Variants in C20orf202 observed in about 807,000 individuals in gnomAD.
C20orf202 encodes the protein uncharacterized protein C20orf202.
A neutral mutation model predicts 5.3 loss-of-function variants in C20orf202; 5 were observed. The ratio of observed to expected loss-of-function variants is 0.94; its 90% confidence interval spans 0.49 to 1.98. The LOEUF (loss-of-function observed/expected upper bound fraction) is 1.98, where lower values mean the gene tolerates loss of function less well. Ranked by LOEUF, C20orf202 falls within the 30% of genes most tolerant of loss-of-function variation. C20orf202 has a pLI of 0.01. For missense variants in C20orf202, 135 were observed against 123.5 expected (o/e 1.09, Z -0.44); for synonymous variants, 48 against 50.0 (o/e 0.96, Z 0.16).
At position 1,203,754 on chromosome 20, in the gene C20orf202, C is replaced by A; in HGVS notation, c.66+103C>A. ...CCCCTGGGGCAGAGGCTGCAGGCTA[C>A]GGTATGGACCCTGCAGTCTCCCCTC... On this transcript the variant is annotated intron_variant, in intron 1 of 1. Transcript: ENST00000400633. The A allele has an allele frequency of 2.3e-6, 3 of 1,287,902 alleles. No individual in the cohort carries two copies. The South Asian group carries it at 4.7e-5, about 20-fold the overall frequency. 79.8% of individuals were successfully genotyped at this position (1,287,902 alleles called of 1,614,324 possible).
intron 1 of C20orf202, among the ~76,000 whole-genome samples, chr20:1,205,891 G>A (rs1488729234): frequency 2.0e-5 from 3 of 151,952 alleles, no homozygotes; most frequent in Non-Finnish European, 4.4e-5. Context: ...GCAAGACATT[G>A]CCTCTACAAA....
At chr20:1,204,741 G>A (rs2087124647) in intron 1 of C20orf202, among the ~76,000 whole-genome samples, 1 of 152,216 alleles carries the variant, frequency 6.6e-6, no homozygotes, top group Admixed American at 6.5e-5. Context: ...ACCCAACCCT[G>A]TCATCACCCC....
chr20:1,203,529 A>G lies in C20orf202; in HGVS notation c.-57A>G. On this transcript the variant is annotated 5_prime_UTR_variant, in exon 1 of 2. Transcript: ENST00000400633. ...AAGAGTTGGGGGAATGTACAAGTCA[A>G]AGATCCCTCGGGCCCAGAACCAGGT... 3 of 1,549,316 alleles carry G rather than the reference A, an allele frequency of 1.9e-6. No homozygotes were observed. Among genetic ancestry groups the G allele is most frequent in the Non-Finnish European group, 2.6e-6 (3 of 1,146,090 alleles).
At position 1,207,011 on chromosome 20, in the gene C20orf202, G is replaced by A; in HGVS notation, c.209G>A (p.Gly70Asp). Reference sequence around the variant, plus strand: ...ACATCCCCCATCAGAGCTCGAGCGGGCTCCGAAGGCAGGGGCTGCCAGCCG... The same window carrying A: ...ACATCCCCCATCAGAGCTCGAGCGGACTCCGAAGGCAGGGGCTGCCAGCCG... Reference protein sequence around the residue: ...GGTSPIRARAGSEGRGCQPVC... With the variant: ...GGTSPIRARADSEGRGCQPVC... Residue 70 changes from glycine (G) to aspartate (D), a missense_variant, in exon 2 of 2, where the codon GGC becomes GAC. Physicochemically the swap from Gly to Asp is moderately conservative, Grantham distance 94 (BLOSUM62 -1). Coordinates refer to ENST00000400633, the MANE Select transcript of C20orf202 (RefSeq NM_001394958.1). The A allele has an allele frequency of 2.6e-6, 4 of 1,550,900 alleles. No individual in the cohort carries two copies. The highest frequency in any genetic ancestry group is 1.2e-5 in the South Asian group (1 of 83,964).
intron 1 of C20orf202, among the ~76,000 whole-genome samples, chr20:1,204,162 G>A (rs1384102063): frequency 6.6e-6 from 1 of 152,142 alleles, no homozygotes; most frequent in Non-Finnish European, 1.5e-5. Flanking sequence ...GACAAGGATT[G>A]AGAAACTAGC....
chr20:1,203,683 C>T (rs1030095977), intron 1 of C20orf202, 32 bp downstream of exon 1: 2 of 1,522,748 alleles, frequency 1.3e-6, no homozygotes, highest in South Asian at 1.3e-5. Flanking sequence ...CCTTGATGCC[C>T]CGACTACATA....
At chr20:1,206,761 T>C in intron 1 of C20orf202, 108 bp from the exon 2 acceptor site, 3 of 653,162 alleles carry the variant, frequency 4.6e-6, no homozygotes, top group Non-Finnish European at 7.5e-6. Flanking sequence ...TGTGAGGCTG[T>C]GCGAATCACA....
Position 1,208,146 on chromosome 20 carries a change from G to A in C20orf202, c.*1044G>A, listed in dbSNP as rs2087140736. ...GTGACAACAACCTCCGTAACAGCAG[G>A]CAACCAGGCTTGTGATACAGCAGAG... On this transcript the variant is annotated 3_prime_UTR_variant, in exon 2 of 2. Transcript: ENST00000400633. 1.3e-5 allele frequency: 2 copies of A among 152,284 alleles called. No individual in the cohort carries two copies. The highest frequency in any genetic ancestry group is 2.1e-4 in the South Asian group (1 of 4,820). 9.4% of individuals were successfully genotyped at this position (152,284 alleles called of 1,614,324 possible).
rs2087133545 is a variant in C20orf202 at position 1,206,850 on chromosome 20, G to A, written c.67-19G>A. ...CCAGGGCTCCACGCATCCCCTCACA[G>A]GCTCCTTCTCTCTCCTAGTCTGAGA... On this transcript the variant is annotated intron_variant, in intron 1 of 1. Coordinates refer to ENST00000400633, the MANE Select transcript of C20orf202 (RefSeq NM_001394958.1). 6.7e-6 allele frequency: 10 copies of A among 1,484,728 alleles called. No individual in the cohort carries two copies. In the East Asian group the frequency reaches 2.5e-4, roughly 37 times the overall value. 92.0% of individuals were successfully genotyped at this position (1,484,728 alleles called of 1,614,324 possible). A position where few individuals can be genotyped will look rare whatever the true frequency, so the allele number is the denominator to read the frequency against.
rs2087139047 is a variant in C20orf202 at position 1,207,767 on chromosome 20, T to A, written c.*665T>A. On this transcript the variant is annotated 3_prime_UTR_variant, in exon 2 of 2. Coordinates refer to ENST00000400633, the MANE Select transcript of C20orf202 (RefSeq NM_001394958.1). ...CAGGCTGAGGCTGCTGGTGGCCATG[T>A]TCCTACCAGGTAAAGAAGACCTGTC... The A allele has an allele frequency of 6.6e-6, 1 of 152,208 alleles. No individual in the cohort carries two copies. The allele number at this position is 152,208 out of a possible 1,614,324, so 9.4% of individuals were successfully genotyped here. A position where few individuals can be genotyped will look rare whatever the true frequency, so the allele number is the denominator to read the frequency against.
At position 1,207,136 on chromosome 20, in the gene C20orf202, C is replaced by G. The variant is rs1348067793; in HGVS notation, c.*34C>G. ...AGATGACACTGGGCTTTAACACTCTCCCCATTAGTCTAACCTTTCACTGTG... is the reference window on the plus strand; with the variant it reads ...AGATGACACTGGGCTTTAACACTCTGCCCATTAGTCTAACCTTTCACTGTG... On this transcript the variant is annotated 3_prime_UTR_variant, in exon 2 of 2. Transcript: ENST00000400633. The G allele has an allele frequency of 7.5e-7, 1 of 1,329,112 alleles. No homozygotes were observed. Among genetic ancestry groups the G allele is most frequent in the African/African-American group, 1.5e-5 (1 of 67,814 alleles). The allele number at this position is 1,329,112 out of a possible 1,614,324, so 82.3% of individuals were successfully genotyped here. A position where few individuals can be genotyped will look rare whatever the true frequency, so the allele number is the denominator to read the frequency against.
rs1486380120 is a variant in C20orf202, at chr20:1,208,309, G to T, written c.*1207G>T. 3.3e-5 allele frequency: 5 copies of T among 152,126 alleles called. No individual in the cohort carries two copies. The highest frequency in any genetic ancestry group is 7.4e-5 in the Non-Finnish European group (5 of 68,006). 9.4% of individuals were successfully genotyped at this position (152,126 alleles called of 1,614,324 possible). A position where few individuals can be genotyped will look rare whatever the true frequency, so the allele number is the denominator to read the frequency against. On this transcript the variant is annotated 3_prime_UTR_variant, in exon 2 of 2. Coordinates refer to ENST00000400633, the MANE Select transcript of C20orf202 (RefSeq NM_001394958.1). ...ATGATCGGTAGCCCTTTTTGTTTTT[G>T]AAAATCTACCTGTATGTTGCTAGAA...
In C20orf202 at chr20:1,207,075, A is replaced by G; in HGVS notation, c.273A>G (p.Glu91=). 1 of 1,517,356 alleles carries G rather than the reference A, an allele frequency of 6.6e-7. No homozygotes were observed. Among genetic ancestry groups the G allele is most frequent in the South Asian group, 1.2e-5 (1 of 80,100 alleles). The allele number at this position is 1,517,356 out of a possible 1,614,324, so 94.0% of individuals were successfully genotyped here. Reference sequence around the variant, plus strand: ...GTCTGGCCCAGCTCCTCCGAGGGGAAGACAGCAGACGAAGCTCTCTCCCTT... The same window carrying G: ...GTCTGGCCCAGCTCCTCCGAGGGGAGGACAGCAGACGAAGCTCTCTCCCTT... ...SRGLAQLLRG[E]DSRRSSLP Residue 91 remains glutamate (E), a synonymous_variant, in exon 2 of 2, where the codon GAA becomes GAG. Coordinates refer to ENST00000400633, the MANE Select transcript of C20orf202 (RefSeq NM_001394958.1).
At chr20:1,203,822 G>A (rs2087120886) in intron 1 of C20orf202, among the ~76,000 whole-genome samples, 171 bp downstream of exon 1, 1 of 152,140 alleles carries the variant, frequency 6.6e-6, no homozygotes, top group Admixed American at 6.5e-5. Flanking sequence ...TCAGGTTCAG[G>A]GATAAGTAGG....
intron 1 of C20orf202, among the ~76,000 whole-genome samples, chr20:1,206,355 T>C (rs1344551298): frequency 6.6e-6 from 1 of 152,210 alleles, no homozygotes; most frequent in African/African-American, 2.4e-5. Flanking sequence ...ATTCATAATA[T>C]GTTAATAAAA....
chr20:1,204,613 C>G (rs558876363), intron 1 of C20orf202, among the ~76,000 whole-genome samples: 1 of 152,368 alleles, frequency 6.6e-6, no homozygotes, highest in East Asian at 1.9e-4. Context: ...GAGGAGGCAG[C>G]TCAGGGAACC....
chr20:1,205,078 C>T (rs1236933243), intron 1 of C20orf202, among the ~76,000 whole-genome samples: 1 of 151,590 alleles, frequency 6.6e-6, no homozygotes, highest in African/African-American at 2.4e-5. Context: ...CTGAGGGAGG[C>T]CGACTACACC....
At position 1,203,722 on chromosome 20, in the gene C20orf202, C is replaced by A. The variant is rs144057224; in HGVS notation, c.66+71C>A. 103 of 1,483,474 alleles carry A rather than the reference C, an allele frequency of 6.9e-5. No individual in the cohort carries two copies. The African/African-American group carries it at 1.2e-3, about 18-fold the overall frequency. The allele number at this position is 1,483,474 out of a possible 1,614,324, so 91.9% of individuals were successfully genotyped here. A position where few individuals can be genotyped will look rare whatever the true frequency, so the allele number is the denominator to read the frequency against. On this transcript the variant is annotated intron_variant, in intron 1 of 1. Transcript: ENST00000400633. Reference sequence around the variant, plus strand: ...TCCAAAGATCTCTGGTTTTCCTTCCCGGGTCCCCCCTGGGGCAGAGGCTGC... The same window carrying A: ...TCCAAAGATCTCTGGTTTTCCTTCCAGGGTCCCCCCTGGGGCAGAGGCTGC...
intron 1 of C20orf202, among the ~76,000 whole-genome samples, chr20:1,204,099 G>C (rs140742770): frequency 6.5e-4 from 99 of 152,220 alleles, no homozygotes; most frequent in African/African-American, 2.2e-3. Context: ...GACCCAGATG[G>C]ACATGCGTAC....
Sources: gnomAD v4.1 joint callset for allele counts (sites outside exome capture counted in the v4.1 genomes callset) on GRCh38, gnomAD v4.1.1 for gene constraint, MANE v1.5 for transcripts, NCBI Gene and HGNC (gene_info 2026-07-23, HGNC 2026-07-21) for gene names.